The following SPATA1 variants were observed in gnomAD, a reference collection of about 807,000 sequenced individuals.
SPATA1 encodes spermatogenesis-associated protein 1.
In SPATA1, 57 loss-of-function variants were observed where a neutral mutation model predicts 59.6. That is an observed-to-expected ratio of 0.96 (90% CI 0.77 to 1.19). The LOEUF (loss-of-function observed/expected upper bound fraction) is 1.19, where lower values mean the gene tolerates loss of function less well. Ranked by LOEUF, SPATA1 falls within the 50% of genes most tolerant of loss-of-function variation. SPATA1 has a pLI of 0.00. For missense variants in SPATA1, 448 were observed against 480.7 expected (o/e 0.93, Z 0.64); for synonymous variants, 147 against 163.9 (o/e 0.90, Z 0.79).
downstream of SPATA1, among the ~76,000 whole-genome samples, chr1:84,557,547 A>G (rs1019576852): frequency 2.6e-4 from 34 of 132,838 alleles, no homozygotes; most frequent in Non-Finnish European, 3.7e-4. Flanking sequence ...AAAAAAAAAA[A>G]AAAAAAGAAA....
downstream of SPATA1, chr1:84,555,941 CAGA>C (rs1684417559): frequency 6.6e-6 from 1 of 152,140 alleles, no homozygotes; most frequent in South Asian, 2.1e-4. Context: ...AGGAGGTCTA[CAGA>C]AGATTTTGTT....
At chr1:84,550,207 G>A (rs904180371) in intron 11 of SPATA1, 16 of 300,078 alleles carry the variant, frequency 5.3e-5, no homozygotes, top group East Asian at 2.6e-4. Context: ...TGGTTTTTAC[G>A]ATGCTAATTT....
intron 8 of SPATA1, among the ~76,000 whole-genome samples, chr1:84,540,156 CT>C (rs1256882623): frequency 6.6e-6 from 1 of 151,982 alleles, no homozygotes; most frequent in East Asian, 1.9e-4. Context: ...CTGGGTTTTG[CT>C]TTGTAAGCTA....
chr1:84,532,902 A>C, exon 7 of SPATA1: 1 of 1,552,276 alleles, frequency 6.4e-7, no homozygotes, highest in Non-Finnish European at 8.7e-7. Flanking sequence ...ATTGCAAAAA[A>C]TCAAATTGGA....
intron 4 of SPATA1, chr1:84,563,947 C>T (rs1260441046): frequency 5.8e-6 from 7 of 1,204,388 alleles, no homozygotes; most frequent in African/African-American, 1.6e-5. Context: ...TTATAAAAAA[C>T]ACTAATATTG....
chr1:84,525,646 G>GA (rs949769586), intron 4 of SPATA1, 50 bp from the exon 5 acceptor site: 14 of 1,502,216 alleles, frequency 9.3e-6, no homozygotes, highest in East Asian at 9.3e-5. Context: ...AAAAATAATT[G>GA]AAAAAAATGT....
At chr1:84,566,693 C>T (rs561361921), downstream of SPATA1, among the ~76,000 whole-genome samples, 5 of 152,216 alleles carry the variant, frequency 3.3e-5, no homozygotes, top group African/African-American at 1.2e-4. Context: ...AGTGCAGTGG[C>T]GCAATCTCAG....
rs1176794734 is a variant in SPATA1, at chr1:84,563,166, C to G, written n.443-2695C>G. The G allele has an allele frequency of 4.4e-6, 4 of 910,156 alleles. No homozygotes were observed. The African/African-American group carries it at 7.0e-5, about 16-fold the overall frequency. 56.4% of individuals were successfully genotyped at this position (910,156 alleles called of 1,614,324 possible). A position where few individuals can be genotyped will look rare whatever the true frequency, so the allele number is the denominator to read the frequency against. On this transcript the variant is annotated intron_variant and non_coding_transcript_variant, in intron 4 of 4. Transcript: ENST00000460286. ...CTGCATGTTATGCCCTAAAAGAAAA[C>G]TGATAGAAATTCTTGATATCAAACA...
intron 12 of SPATA1, chr1:84,551,932 T>C (rs1342379788): frequency 6.6e-6 from 1 of 152,152 alleles, no homozygotes; most frequent in African/African-American, 2.4e-5. Context: ...TTACTTGTAA[T>C]CTTTGTATAT....
chr1:84,550,925 T>C (rs1684251853), intron 12 of SPATA1: 1 of 978,304 alleles, frequency 1.0e-6, no homozygotes, highest in Non-Finnish European at 1.2e-6. Flanking sequence ...TTTCTGGTTA[T>C]TTTCATATGT....
intron 6 of SPATA1, among the ~76,000 whole-genome samples, chr1:84,528,961 T>C (rs1289868355): frequency 6.6e-6 from 1 of 152,150 alleles, no homozygotes; most frequent in Non-Finnish European, 1.5e-5. Flanking sequence ...ATATCATTCA[T>C]TCCCTCCCCA....
In SPATA1 at chr1:84,548,984, C is replaced by T. The variant is rs1208980833; in HGVS notation, c.1125+20C>T. 22 of 1,526,954 alleles carry T rather than the reference C, an allele frequency of 1.4e-5. No homozygotes were observed. The East Asian group carries it at 4.6e-4, about 32-fold the overall frequency. The allele number at this position is 1,526,954 out of a possible 1,614,324, so 94.6% of individuals were successfully genotyped here. ...TCCAAGGTATTACTAAATGTATCCC[C>T]CTTCCGTTAGAGAAGTTCTGTTCAA... is the stretch of plus-strand genomic sequence containing the variant. On this transcript the variant is annotated intron_variant, in intron 11 of 12. Transcript: ENST00000490879.
chr1:84,512,214 A>G (rs931900658), intron 1 of SPATA1, among the ~76,000 whole-genome samples: 2 of 152,218 alleles, frequency 1.3e-5, no homozygotes, highest in Non-Finnish European at 2.9e-5. Flanking sequence ...TGATTTTTTT[A>G]TTCCAGAATG....
chr1:84,545,132 G>A (rs1214773685), intron 9 of SPATA1, among the ~76,000 whole-genome samples: 3 of 150,722 alleles, frequency 2.0e-5, no homozygotes, highest in Non-Finnish European at 3.0e-5. Context: ...CAGGAGAATC[G>A]CTTGAACCCA....
chr1:84,554,804 C>T (rs112638417), downstream of SPATA1: 20,077 of 506,310 alleles, frequency 0.04, 549 homozygotes, highest in Admixed American at 0.093. Flanking sequence ...AGTTGACTTG[C>T]TTCTTGCCTT....
intron 1 of SPATA1, among the ~76,000 whole-genome samples, chr1:84,515,906 A>G (rs1682776090): frequency 6.6e-6 from 1 of 152,214 alleles, no homozygotes; most frequent in African/African-American, 2.4e-5. Flanking sequence ...CTAACCAAGT[A>G]TCATAAATTC....
At chr1:84,518,279 G>A (rs1443492478) in intron 2 of SPATA1, among the ~76,000 whole-genome samples, 2 of 151,962 alleles carry the variant, frequency 1.3e-5, no homozygotes, top group East Asian at 1.9e-4. Context: ...AAAATATTTC[G>A]AGGACAATTG....
downstream of SPATA1, chr1:84,554,945 A>G: frequency 7.4e-7 from 1 of 1,348,540 alleles, no homozygotes; most frequent in Non-Finnish European, 1.0e-6. Flanking sequence ...GCAAGAAACT[A>G]GATCTGTTGA....
intron 4 of SPATA1, chr1:84,563,940 T>C (rs1684641957): frequency 1.6e-6 from 2 of 1,226,782 alleles, no homozygotes; most frequent in Non-Finnish European, 1.1e-6. Flanking sequence ...AGTACATTTA[T>C]AAAAAACACT....
Sources: gnomAD v4.1 joint callset for allele counts (sites outside exome capture counted in the v4.1 genomes callset) on GRCh38, gnomAD v4.1.1 for gene constraint, MANE v1.5 for transcripts, NCBI Gene and HGNC (gene_info 2026-07-23, HGNC 2026-07-21) for gene names.